Variants in CNDP2 observed in about 807,000 individuals in gnomAD.
CNDP2 encodes carnosine dipeptidase 2, also known as cytosolic non-specific dipeptidase.
In CNDP2, 38 loss-of-function variants were observed where a neutral mutation model predicts 55.0. That is an observed-to-expected ratio of 0.69 (90% CI 0.53 to 0.90). The LOEUF is 0.90. Among genes scored for constraint, CNDP2 ranks in the 40% least tolerant of loss-of-function variants. The probability of loss-of-function intolerance (pLI) is 0.00; values close to 1 mark genes in which losing one functional copy is unlikely to be tolerated. For synonymous variants in CNDP2, 241 were observed against 260.2 expected (o/e 0.93, Z 0.71); for missense variants, 607 against 621.7 (o/e 0.98, Z 0.25).
intron 5 of CNDP2, 81 bp downstream of exon 5, chr18:74,509,009 A>G: frequency 8.9e-7 from 1 of 1,121,914 alleles, no homozygotes; most frequent in Non-Finnish European, 1.3e-6. Flanking sequence ...TTCACACAAC[A>G]GCTTATAAAG....
chr18:74,518,354 G>GAC (rs1979827900), intron 9 of CNDP2, 145 bp from the exon 10 acceptor site: 1 of 742,710 alleles, frequency 1.3e-6, no homozygotes, highest in African/African-American at 1.8e-5. Flanking sequence ...ACTCATCGTA[G>GAC]ACTCAGCATA....
At chr18:74,508,731 CCT>C (rs1256270450) in intron 4 of CNDP2, 107 bp from the exon 5 acceptor site, 11 of 787,502 alleles carry the variant, frequency 1.4e-5, no homozygotes, top group Non-Finnish European at 2.2e-5. Context: ...GAAGGGGAAG[CCT>C]CTCTCGTGTT....
At chr18:74,512,648 T>C in intron 7 of CNDP2, 116 bp downstream of exon 7, 1 of 825,606 alleles carries the variant, frequency 1.2e-6, no homozygotes, top group Non-Finnish European at 1.9e-6. Flanking sequence ...CCAACTTCTG[T>C]CTCAGTTTCC....
At position 74,499,899 on chromosome 18, in the gene CNDP2, A is replaced by T. The variant is rs1396722931; in HGVS notation, c.-75A>T. 2.9e-6 allele frequency: 4 copies of T among 1,386,676 alleles called. No homozygotes were observed. Among genetic ancestry groups the T allele is most frequent in the Non-Finnish European group, 4.1e-6 (4 of 981,696 alleles). 85.9% of individuals were successfully genotyped at this position (1,386,676 alleles called of 1,614,324 possible). ...CTGGGCAGGTCGCCCCTCAGTCTCCACTAGAGACAGGACTGACCAGTTGCT... is the reference window on the plus strand; with the variant it reads ...CTGGGCAGGTCGCCCCTCAGTCTCCTCTAGAGACAGGACTGACCAGTTGCT... On this transcript the variant is annotated 5_prime_UTR_variant, in exon 2 of 12. Transcript: ENST00000324262.
rs147640386 is a variant in CNDP2 at position 74,521,955 on chromosome 18, C to T, written c.*1887C>T. On this transcript the variant is annotated 3_prime_UTR_variant, in exon 12 of 12. Coordinates refer to ENST00000324262, the MANE Select transcript of CNDP2 (RefSeq NM_018235.3). ...CAGTAATGACACGTCCACATCAGCA[C>T]CCCCAACACCACTCCCTGAGGAGGA... The T allele has an allele frequency of 7.4e-3, 1,132 of 152,490 alleles. 4 individuals are homozygous for T. Among genetic ancestry groups the T allele is most frequent in the Middle Eastern group, 0.017 (5 of 294 alleles). 9.4% of individuals were successfully genotyped at this position (152,490 alleles called of 1,614,324 possible). A position where few individuals can be genotyped will look rare whatever the true frequency, so the allele number is the denominator to read the frequency against.
chr18:74,513,428 C>G, intron 7 of CNDP2, 131 bp from the exon 8 acceptor site: 1 of 963,460 alleles, frequency 1.0e-6, no homozygotes, highest in Non-Finnish European at 1.5e-6. Context: ...TTGGCCCCTC[C>G]TCAGCCACGT....
At position 74,511,030 on chromosome 18, in the gene CNDP2, T is replaced by C. The variant is rs768238613; in HGVS notation, c.657+17T>C. ...TTCATCGAGGTACAGTGCCAAGCTGTACGGGTCACTTCTTTCTAACCCCTG... is the reference window on the plus strand; with the variant it reads ...TTCATCGAGGTACAGTGCCAAGCTGCACGGGTCACTTCTTTCTAACCCCTG... On this transcript the variant is annotated intron_variant, in intron 6 of 11. Coordinates refer to ENST00000324262, the MANE Select transcript of CNDP2 (RefSeq NM_018235.3). The C allele has an allele frequency of 6.2e-7, 1 of 1,606,248 alleles. No homozygotes were observed. The highest frequency in any genetic ancestry group is 8.5e-7 in the Non-Finnish European group (1 of 1,174,864).
intron 1 of CNDP2, chr18:74,498,095 T>C (rs1456323007): frequency 6.6e-6 from 1 of 152,190 alleles, no homozygotes; most frequent in African/African-American, 2.4e-5. Context: ...AACAATCTGA[T>C]CCCTGTTTCC....
intron 8 of CNDP2, 26 bp from the exon 9 acceptor site, chr18:74,516,202 T>G (rs1979654206): frequency 1.3e-6 from 2 of 1,593,044 alleles, no homozygotes; most frequent in Non-Finnish European, 1.7e-6. Flanking sequence ...GCCTGAGGTG[T>G]CCCTGACCCT....
At chr18:74,511,639 TGGA>T (rs1041527207) in intron 6 of CNDP2, among the ~76,000 whole-genome samples, 1 of 143,646 alleles carries the variant, frequency 7.0e-6, no homozygotes, top group Non-Finnish European at 1.5e-5. Context: ...ACCCGGGAGG[TGGA>T]GGTTGTAGTG....
rs1186434207 is a variant in CNDP2, at chr18:74,512,492, C to T, written c.702C>T (p.Gly234=). 1.2e-6 allele frequency: 2 copies of T among 1,613,876 alleles called. No individual in the cohort carries two copies. Among genetic ancestry groups the T allele is most frequent in the African/African-American group, 1.3e-5 (1 of 74,872 alleles). Residue 234 remains glycine, a synonymous_variant, in exon 7 of 12, where the codon GGC becomes GGT. Transcript: ENST00000324262. ...ACCTCCATTCTGGGGTGTACGGGGG[C>T]TCGGTGCATGAGGCCATGACTGATC... ...NKDLHSGVYG[G]SVHEAMTDLI...
At position 74,520,565 on chromosome 18, in the gene CNDP2, A is replaced by T. The variant is rs1979992481; in HGVS notation, c.*497A>T. On this transcript the variant is annotated 3_prime_UTR_variant, in exon 12 of 12. Coordinates refer to ENST00000324262, the MANE Select transcript of CNDP2 (RefSeq NM_018235.3). Reference sequence around the variant, plus strand: ...CAGCCACTCAGAAGGCTGAGGCAGGAGGATCGCTTGAGACCAAGAGTTTGA... The same window carrying T: ...CAGCCACTCAGAAGGCTGAGGCAGGTGGATCGCTTGAGACCAAGAGTTTGA... The T allele has an allele frequency of 1.2e-5, 2 of 161,066 alleles. No individual in the cohort carries two copies. The highest frequency in any genetic ancestry group is 1.3e-4 in the Admixed American group (2 of 15,958). The allele number at this position is 161,066 out of a possible 1,614,324, so 10.0% of individuals were successfully genotyped here. A position where few individuals can be genotyped will look rare whatever the true frequency, so the allele number is the denominator to read the frequency against.
chr18:74,498,534 G>A (rs927415969), intron 1 of CNDP2, among the ~76,000 whole-genome samples: 1 of 152,158 alleles, frequency 6.6e-6, no homozygotes, highest in Non-Finnish European at 1.5e-5. Context: ...TAATGAGAAT[G>A]TACCACAGTG....
intron 1 of CNDP2, among the ~76,000 whole-genome samples, chr18:74,498,986 G>A (rs548695466): frequency 6.6e-6 from 1 of 152,296 alleles, no homozygotes; most frequent in South Asian, 2.1e-4. Context: ...GGTGGATAAA[G>A]TCACCTCTCT....
chr18:74,505,859 G>A lies in CNDP2; in HGVS notation c.215G>A (p.Gly72Asp). ...CCTCTCCATGCTCAGCTCCCTGATG[G>A]CTCGGAGATCCCGCTCCCTCCTATT... ...VDIGKQKLPD[G>D]SEIPLPPILL... Residue 72 changes from glycine to aspartate, a missense_variant, in exon 4 of 12, where the codon GGC becomes GAC. Gly to Asp is a moderately conservative substitution (Grantham distance 94, BLOSUM62 -1). Coordinates refer to ENST00000324262, the MANE Select transcript of CNDP2 (RefSeq NM_018235.3). 1 of 1,611,946 alleles carries A rather than the reference G, an allele frequency of 6.2e-7. No individual in the cohort carries two copies. Among genetic ancestry groups the A allele is most frequent in the African/African-American group, 1.3e-5 (1 of 74,874 alleles).
rs1451666060 is a variant in CNDP2, at chr18:74,518,216, C to T, written c.1069-283C>T. 3 of 220,912 alleles carry T rather than the reference C, an allele frequency of 1.4e-5. No homozygotes were observed. The Admixed American group carries it at 1.5e-4, about 11-fold the overall frequency. 13.7% of individuals were successfully genotyped at this position (220,912 alleles called of 1,614,324 possible). On this transcript the variant is annotated intron_variant, in intron 9 of 11. Transcript: ENST00000324262. ...GGCGGAGCTTGCAGTGAGCCGAGAT[C>T]ACGCCACTGTGCTCCAGCCTGGACA... is the stretch of plus-strand genomic sequence containing the variant.
intron 3 of CNDP2, among the ~76,000 whole-genome samples, chr18:74,503,620 A>C (rs1024165600): frequency 2.0e-5 from 3 of 152,258 alleles, no homozygotes; most frequent in African/African-American, 7.2e-5. Context: ...TTTTCTGCTC[A>C]GGCAAGCTGA....
chr18:74,497,015 A>T (rs1349903472), intron 1 of CNDP2, among the ~76,000 whole-genome samples: 1 of 152,128 alleles, frequency 6.6e-6, no homozygotes, highest in Non-Finnish European at 1.5e-5. Flanking sequence ...CAAAATTCCC[A>T]TGCCAGCTTG....
rs376084345 is a variant in CNDP2, at chr18:74,515,976, C to T, written c.904-252C>T. On this transcript the variant is annotated intron_variant, in intron 8 of 11. Coordinates refer to ENST00000324262, the MANE Select transcript of CNDP2 (RefSeq NM_018235.3). ...CTAGTTCTGCCAGGTGGACCTGAGC[C>T]ACCCACGCTGCAGCGACGGGCAGTG... 1.5e-4 allele frequency among the ~76,000 whole-genome samples: 23 copies of T among 152,364 alleles called. No homozygotes were observed. The East Asian group carries it at 2.3e-3, about 15-fold the overall frequency.
Sources: gnomAD v4.1 joint callset for allele counts (sites outside exome capture counted in the v4.1 genomes callset) on GRCh38, gnomAD v4.1.1 for gene constraint, MANE v1.5 for transcripts, NCBI Gene and HGNC (gene_info 2026-07-23, HGNC 2026-07-21) for gene names.